CMTM8: variants seen among roughly 807,000 people sequenced by gnomAD.
CMTM8 encodes CKLF like MARVEL transmembrane domain containing 8, also known as CKLF-like MARVEL transmembrane domain-containing protein 8.
A neutral mutation model predicts 18.6 loss-of-function variants in CMTM8; 12 were observed. The observed-to-expected ratio is 0.65, with a 90% CI of 0.41 to 1.05. The LOEUF (loss-of-function observed/expected upper bound fraction) is 1.05, where lower values mean the gene tolerates loss of function less well. Ranked by LOEUF, CMTM8 falls within the 50% of genes least tolerant of loss-of-function variation. The pLI is 0.00. For missense variants in CMTM8, 217 were observed against 227.2 expected (o/e 0.95, Z 0.29); for synonymous variants, 87 against 90.6 (o/e 0.96, Z 0.23).
intron 1 of CMTM8, among the ~76,000 whole-genome samples, chr3:32,249,031 T>C (rs1441181648): frequency 3.7e-5 from 1 of 26,802 alleles, no homozygotes; most frequent in African/African-American, 1.3e-4. Flanking sequence ...ATGTGGAATC[T>C]TTTTTTTTTT....
At position 32,361,414 on chromosome 3, in the gene CMTM8, G is replaced by A. The variant is rs144491392; in HGVS notation, c.321+3868G>A. 1.9e-3 allele frequency among the ~76,000 whole-genome samples: 291 copies of A among 151,368 alleles called. 3 individuals carry two copies. Among genetic ancestry groups the A allele is most frequent in the African/African-American group, 6.6e-3 (273 of 41,300 alleles). On this transcript the variant is annotated intron_variant, in intron 2 of 3. Transcript: ENST00000307526. ...CAAATTAATGTTTCTGCAACAACACGTGGATTTTCCTGCTAAGAGGGATAA... is the reference window on the plus strand; with the variant it reads ...CAAATTAATGTTTCTGCAACAACACATGGATTTTCCTGCTAAGAGGGATAA...
chr3:32,313,554 C>G (rs1214991682), intron 1 of CMTM8, among the ~76,000 whole-genome samples: 1 of 152,156 alleles, frequency 6.6e-6, no homozygotes, highest in Non-Finnish European at 1.5e-5. Flanking sequence ...AGGTGCCCAC[C>G]TTGGCCTCCC....
chr3:32,285,690 G>C (rs559227156), intron 1 of CMTM8, among the ~76,000 whole-genome samples: 2 of 152,218 alleles, frequency 1.3e-5, no homozygotes, highest in East Asian at 1.9e-4. Flanking sequence ...TCTCTGCACT[G>C]TTTATGAGTC....
At chr3:32,307,201 A>G (rs1695731277) in intron 1 of CMTM8, among the ~76,000 whole-genome samples, 1 of 152,140 alleles carries the variant, frequency 6.6e-6, no homozygotes, top group Non-Finnish European at 1.5e-5. Context: ...TTAGCTGGGC[A>G]TGGTTGTGGA....
intron 1 of CMTM8, chr3:32,259,502 A>T: frequency 1.3e-6 from 1 of 780,468 alleles, no homozygotes; most frequent in East Asian, 2.4e-5. Context: ...CTTCAAGGTC[A>T]TTGATGACAC....
chr3:32,364,160 C>G (rs3844587), intron 2 of CMTM8, among the ~76,000 whole-genome samples: 101,603 of 151,978 alleles, frequency 0.67, 34,271 homozygotes, highest in Middle Eastern at 0.77. Flanking sequence ...TCACTTGAGC[C>G]CAGGAGTTCA....
chr3:32,299,818 A>T (rs751252330), intron 1 of CMTM8, among the ~76,000 whole-genome samples: 2 of 152,188 alleles, frequency 1.3e-5, no homozygotes, highest in Non-Finnish European at 2.9e-5. Flanking sequence ...AAATGTAGCA[A>T]TGTTTTTCTG....
At chr3:32,321,783 G>A (rs1429370155) in intron 1 of CMTM8, among the ~76,000 whole-genome samples, 1 of 152,100 alleles carries the variant, frequency 6.6e-6, no homozygotes, top group Non-Finnish European at 1.5e-5. Context: ...ATTTTTTGTA[G>A]AGACAGAGTC....
At chr3:32,328,553 A>G (rs1339903801) in intron 1 of CMTM8, among the ~76,000 whole-genome samples, 2 of 151,694 alleles carry the variant, frequency 1.3e-5, no homozygotes, top group Non-Finnish European at 2.9e-5. Flanking sequence ...AAAAAAGAAA[A>G]AAAAAAAAAA....
intron 1 of CMTM8, among the ~76,000 whole-genome samples, chr3:32,346,588 G>A (rs564640526): frequency 1.4e-5 from 2 of 142,794 alleles, no homozygotes; most frequent in South Asian, 2.4e-4. Context: ...GTGCATATCA[G>A]TGGAGAAAGC....
At chr3:32,295,483 A>AAAAAAAAAAAAAAAAAAAAAAAAAT (rs1559372458) in intron 1 of CMTM8, among the ~76,000 whole-genome samples, 1 of 117,052 alleles carries the variant, frequency 8.5e-6, no homozygotes, top group Non-Finnish European at 1.6e-5. Flanking sequence ...AAAAAACAAA[A>AAAAAAAAAAAAAAAAAAAAAAAAAT]CAAAACAGCG....
chr3:32,303,257 TTGTG>T (rs1695658045), intron 1 of CMTM8, among the ~76,000 whole-genome samples: 5 of 152,238 alleles, frequency 3.3e-5, no homozygotes, highest in Non-Finnish European at 7.3e-5. Context: ...TTGAGAGCAG[TTGTG>T]TTAACAAGTT....
At chr3:32,332,059 T>A (rs991896839) in intron 1 of CMTM8, among the ~76,000 whole-genome samples, 12 of 149,680 alleles carry the variant, frequency 8.0e-5, no homozygotes, top group African/African-American at 3.0e-4. Context: ...CACACACAAG[T>A]AAGTCATGAA....
chr3:32,243,004 T>C (rs2125526499), intron 1 of CMTM8, among the ~76,000 whole-genome samples: 1 of 152,000 alleles, frequency 6.6e-6, no homozygotes, highest in Non-Finnish European at 1.5e-5. Context: ...GCAATTCTGG[T>C]GCCTTAGCCT....
At chr3:32,239,420 T>C (rs1174875782) in intron 1 of CMTM8, among the ~76,000 whole-genome samples, 1 of 151,814 alleles carries the variant, frequency 6.6e-6, no homozygotes, top group Admixed American at 6.6e-5. Context: ...TTAGTGGCTA[T>C]TGAGTTTGTG....
intron 1 of CMTM8, among the ~76,000 whole-genome samples, chr3:32,299,091 A>C (rs1695556308): frequency 6.6e-6 from 1 of 151,368 alleles, no homozygotes; most frequent in Admixed American, 6.6e-5. Flanking sequence ...CCCCGCTCAG[A>C]TTGCTGCTTC....
At chr3:32,365,321 AAG>A (rs916471122) in intron 2 of CMTM8, among the ~76,000 whole-genome samples, 1 of 150,578 alleles carries the variant, frequency 6.6e-6, no homozygotes, top group Non-Finnish European at 1.5e-5. Flanking sequence ...AAAAGAGAGA[AAG>A]AGAACATTTT....
intron 1 of CMTM8, among the ~76,000 whole-genome samples, chr3:32,244,995 C>T (rs1360904922): frequency 6.6e-6 from 1 of 152,224 alleles, no homozygotes; most frequent in Non-Finnish European, 1.5e-5. Context: ...CCTTAAATAA[C>T]GTACTGTGTT....
intron 1 of CMTM8, among the ~76,000 whole-genome samples, chr3:32,340,757 T>G (rs1199090527): frequency 6.6e-6 from 1 of 152,268 alleles, no homozygotes; most frequent in Non-Finnish European, 1.5e-5. Flanking sequence ...GTGAGCCGCA[T>G]GTGGCCCTGG....
Sources: gnomAD v4.1 joint callset for allele counts (sites outside exome capture counted in the v4.1 genomes callset) on GRCh38, gnomAD v4.1.1 for gene constraint, MANE v1.5 for transcripts, NCBI Gene and HGNC (gene_info 2026-07-23, HGNC 2026-07-21) for gene names.